USP40: variants seen among roughly 807,000 people sequenced by gnomAD.
USP40 encodes ubiquitin carboxyl-terminal hydrolase 40.
Under a neutral mutation model 166.2 loss-of-function variants are expected in USP40, and 143 were observed. That is an observed-to-expected ratio of 0.86 (90% CI 0.75 to 0.99). The LOEUF (loss-of-function observed/expected upper bound fraction) is 0.99. Among genes scored for constraint, USP40 ranks in the 50% least tolerant of loss-of-function variants. The pLI, the probability that USP40 is intolerant of heterozygous loss-of-function variation, is 0.00. For synonymous variants in USP40, 498 were observed against 524.0 expected (o/e 0.95, Z 0.68); for missense variants, 1,444 against 1,479.7 (o/e 0.98, Z 0.40).
At chr2:233,535,288 G>C (rs1159841087) in intron 10 of USP40, among the ~76,000 whole-genome samples, 1 of 152,224 alleles carries the variant, frequency 6.6e-6, no homozygotes, top group Non-Finnish European at 1.5e-5. Context: ...CTGATGCCAA[G>C]AAGAAAGAAC....
chr2:233,541,486 C>T (rs1165671447), intron 9 of USP40, among the ~76,000 whole-genome samples: 1 of 152,152 alleles, frequency 6.6e-6, no homozygotes, highest in African/African-American at 2.4e-5. Context: ...TCAGAAGAAA[C>T]CAAAACTGCC....
intron 16 of USP40, 94 bp downstream of exon 16, chr2:233,523,076 C>T: frequency 7.7e-7 from 1 of 1,303,654 alleles, no homozygotes; most frequent in Admixed American, 2.3e-5. Flanking sequence ...AAACATTCAA[C>T]TCTTGTCACT....
At chr2:233,489,247 G>T in intron 27 of USP40, 118 bp downstream of exon 27, 1 of 953,956 alleles carries the variant, frequency 1.0e-6, no homozygotes, top group Non-Finnish European at 1.6e-6. Flanking sequence ...AGCGTGGCAT[G>T]ACCAGGAATG....
chr2:233,542,570 C>T (rs2069521551), intron 8 of USP40: 1 of 416,450 alleles, frequency 2.4e-6, no homozygotes, highest in East Asian at 4.4e-5. Context: ...AAAAATTAGC[C>T]AGGAGGTTGA....
rs1273630269 is a variant in USP40 at position 233,481,221 on chromosome 2, G to C, written c.3581C>G (p.Ala1194Gly). 5.0e-6 allele frequency: 8 copies of C among 1,606,896 alleles called. No homozygotes were observed. The Admixed American group carries it at 1.2e-4, about 24-fold the overall frequency. ...CAATTACCTTTTCCTTCTCCCCAGG[G>C]CCCGTTGTTTCTGCTTTTCTTTTCC... ...DTGKEKQKQR[A>G]LGRRKSQEAL... Residue 1194 changes from alanine to glycine, a missense_variant, in exon 31 of 32, where the codon GCC becomes GGC. Ala to Gly is a moderately conservative substitution (Grantham distance 60, BLOSUM62 0). Coordinates refer to ENST00000678225, the MANE Select transcript of USP40 (RefSeq NM_001365479.2).
intron 21 of USP40, among the ~76,000 whole-genome samples, chr2:233,506,712 T>C (rs933881779): frequency 6.8e-5 from 9 of 133,220 alleles, no homozygotes; most frequent in African/African-American, 2.7e-4. Flanking sequence ...CTGGGCAACA[T>C]GGTGAGACAC....
intron 2 of USP40, among the ~76,000 whole-genome samples, chr2:233,563,993 A>G (rs1050460219): frequency 1.3e-5 from 2 of 152,182 alleles, no homozygotes; most frequent in Non-Finnish European, 2.9e-5. Flanking sequence ...AAAACCTGGA[A>G]AAGTGTTATC....
rs201507602 is a variant in USP40, at chr2:233,485,791, G to A, written c.3384C>T (p.Phe1128=). 59 of 1,612,478 alleles carry A rather than the reference G, an allele frequency of 3.7e-5. 1 individual carries two copies. The highest frequency in any genetic ancestry group is 5.0e-5 in the Admixed American group (3 of 59,718). ...CCCAGCTAGATATCGGAAGCCACTC[G>A]AACTTTTCGGGAAAGTATTTGGCAA... ...IEIAKYFPEK[F]EWLPISSWNQ... Residue 1128 remains phenylalanine (F), a synonymous_variant, in exon 29 of 32, where the codon TTC becomes TTT. Coordinates refer to ENST00000678225, the MANE Select transcript of USP40 (RefSeq NM_001365479.2).
Position 233,481,242 on chromosome 2 carries a change from T to C in USP40, c.3560A>G (p.Lys1187Arg). Residue 1187 changes from lysine (K) to arginine (R), a missense_variant, in exon 31 of 32, where the codon AAA becomes AGA. By Grantham distance (26) the Lys-to-Arg change is conservative (BLOSUM62 2). Transcript: ENST00000678225. ...DFSTIRDDTG[K>R]EKQKQRALGR... Reference sequence around the variant, plus strand: ...CAGGGCCCGTTGTTTCTGCTTTTCTTTTCCAGTGTCATCTCTGATTGTACT... The same window carrying C: ...CAGGGCCCGTTGTTTCTGCTTTTCTCTTCCAGTGTCATCTCTGATTGTACT... The C allele has an allele frequency of 6.2e-7, 1 of 1,608,774 alleles. No individual in the cohort carries two copies. Among genetic ancestry groups the C allele is most frequent in the Non-Finnish European group, 8.5e-7 (1 of 1,177,450 alleles).
chr2:233,494,392 G>A (rs1297656873), intron 24 of USP40, among the ~76,000 whole-genome samples: 2 of 151,986 alleles, frequency 1.3e-5, no homozygotes, highest in African/African-American at 2.4e-5. Context: ...AGTTTCTGTA[G>A]AATAATTTGC....
intron 21 of USP40, among the ~76,000 whole-genome samples, chr2:233,501,472 T>C (rs1321720230): frequency 6.6e-6 from 1 of 152,208 alleles, no homozygotes; most frequent in African/African-American, 2.4e-5. Flanking sequence ...CTCAACTTTT[T>C]ATAAGAACAG....
intron 21 of USP40, among the ~76,000 whole-genome samples, chr2:233,507,220 G>A (rs1036472771): frequency 6.6e-6 from 1 of 152,100 alleles, no homozygotes; most frequent in African/African-American, 2.4e-5. Flanking sequence ...ATGCACTGTC[G>A]GTGAGACTGT....
At chr2:233,503,950 C>G (rs2066245707) in intron 21 of USP40, among the ~76,000 whole-genome samples, 1 of 151,994 alleles carries the variant, frequency 6.6e-6, no homozygotes, top group African/African-American at 2.4e-5. Context: ...TAGCCAAAAA[C>G]AACAACAGTT....
At chr2:233,565,321 C>T in intron 2 of USP40, 35 bp downstream of exon 2, 2 of 1,431,950 alleles carry the variant, frequency 1.4e-6, no homozygotes, top group South Asian at 1.3e-5. Flanking sequence ...GAAGATGGTA[C>T]ATATTGCTAG....
intron 23 of USP40, among the ~76,000 whole-genome samples, chr2:233,497,232 G>A (rs1037630880): frequency 1.3e-5 from 2 of 152,148 alleles, no homozygotes; most frequent in Non-Finnish European, 2.9e-5. Context: ...TTGGTAAAGC[G>A]CTAAAGCCAC....
At chr2:233,528,825 A>C (rs1207569018) in intron 12 of USP40, among the ~76,000 whole-genome samples, 1 of 152,080 alleles carries the variant, frequency 6.6e-6, no homozygotes, top group Non-Finnish European at 1.5e-5. Flanking sequence ...CTAACCCAAT[A>C]CCCTATTGAC....
At chr2:233,526,595 TTAAC>T (rs772973959) in intron 13 of USP40, among the ~76,000 whole-genome samples, 4 of 152,294 alleles carry the variant, frequency 2.6e-5, no homozygotes, top group South Asian at 2.1e-4. Flanking sequence ...GAAAATTCAT[TTAAC>T]TAATTTCTGG....
intron 31 of USP40, 55 bp from the exon 32 acceptor site, chr2:233,477,558 A>T (rs2064251801): frequency 6.6e-7 from 1 of 1,505,712 alleles, no homozygotes; most frequent in African/African-American, 1.4e-5. Context: ...TGTCAGGGTG[A>T]GGGGTTCACG....
intron 18 of USP40, among the ~76,000 whole-genome samples, chr2:233,513,646 G>C (rs758603237): frequency 6.6e-6 from 1 of 152,138 alleles, no homozygotes; most frequent in Non-Finnish European, 1.5e-5. Context: ...AATGAAATTC[G>C]TGCATGTCAG....
Sources: gnomAD v4.1 joint callset for allele counts (sites outside exome capture counted in the v4.1 genomes callset) on GRCh38, gnomAD v4.1.1 for gene constraint, MANE v1.5 for transcripts, NCBI Gene and HGNC (gene_info 2026-07-23, HGNC 2026-07-21) for gene names.